Variants in CCSER1 observed in about 807,000 individuals in gnomAD.
CCSER1 encodes the protein serine-rich coiled-coil domain-containing protein 1.
Under a neutral mutation model 82.0 loss-of-function variants are expected in CCSER1, and 41 were observed. The ratio of observed to expected loss-of-function variants is 0.50; its 90% CI spans 0.39 to 0.65. The LOEUF (loss-of-function observed/expected upper bound fraction) is 0.65, where lower values mean the gene tolerates loss of function less well. Ranked by LOEUF, CCSER1 falls within the 30% of genes least tolerant of loss-of-function variation. The pLI, the probability that CCSER1 is intolerant of heterozygous loss-of-function variation, is 0.00. For missense variants in CCSER1, 1,119 were observed against 1,064.2 expected (o/e 1.05, Z -0.72); for synonymous variants, 414 against 383.9 (o/e 1.08, Z -0.92).
chr4:91,302,542 CAT>C (rs1744747968), intron 10 of CCSER1, among the ~76,000 whole-genome samples: 1 of 151,986 alleles, frequency 6.6e-6, no homozygotes, highest in East Asian at 1.9e-4. Flanking sequence ...ATTTTTAAAA[CAT>C]AAATCAGATC....
At chr4:91,003,389 GGT>G (rs1738216086) in intron 9 of CCSER1, among the ~76,000 whole-genome samples, 1 of 152,066 alleles carries the variant, frequency 6.6e-6, no homozygotes. Flanking sequence ...TCCTTGGGTG[GGT>G]CTTACTGAGG....
At chr4:90,608,840 A>G (rs989994613) in intron 5 of CCSER1, among the ~76,000 whole-genome samples, 1 of 152,024 alleles carries the variant, frequency 6.6e-6, no homozygotes, top group Admixed American at 6.6e-5. Flanking sequence ...AAATGTGGCC[A>G]TTCTATGTAG....
chr4:90,171,374 A>C (rs1385383927), intron 1 of CCSER1, among the ~76,000 whole-genome samples: 1 of 151,854 alleles, frequency 6.6e-6, no homozygotes, highest in African/African-American at 2.4e-5. Flanking sequence ...TGCCCACATG[A>C]AAACAGAATA....
At chr4:91,479,204 T>C (rs528271384) in intron 10 of CCSER1, among the ~76,000 whole-genome samples, 19 of 151,820 alleles carry the variant, frequency 1.3e-4, no homozygotes, top group African/African-American at 3.9e-4. Flanking sequence ...AATTAACTTT[T>C]ATTATGTTGA....
In CCSER1 at chr4:91,191,672, G is replaced by A. The variant is rs74482496; in HGVS notation, c.2217+105678G>A. Among the ~76,000 whole-genome samples the A allele has an allele frequency of 4.9e-3, 742 of 152,264 alleles. 6 individuals carry two copies. Among genetic ancestry groups the A allele is most frequent in the African/African-American group, 0.017 (699 of 41,562 alleles). ...TCCACAGTTTCAGGGAAATTCAGGG[G>A]CAGCTGTGACAATAGTAATAACAGT... On this transcript the variant is annotated intron_variant, in intron 10 of 10. Coordinates refer to ENST00000509176, the MANE Select transcript of CCSER1 (RefSeq NM_001145065.2).
At chr4:90,551,710 A>C (rs141355647) in intron 5 of CCSER1, among the ~76,000 whole-genome samples, 16,745 of 75,728 alleles carry the variant, frequency 0.22, 1,095 homozygotes, top group Non-Finnish European at 0.27. Context: ...CTCTCTCTAT[A>C]TATATATATA....
At chr4:91,194,601 G>A (rs910359757) in intron 10 of CCSER1, among the ~76,000 whole-genome samples, 1 of 152,108 alleles carries the variant, frequency 6.6e-6, no homozygotes. Flanking sequence ...TCACATAAAT[G>A]TGAAACAGAA....
intron 10 of CCSER1, among the ~76,000 whole-genome samples, chr4:91,197,770 C>G (rs1012664539): frequency 1.3e-5 from 2 of 152,146 alleles, no homozygotes; most frequent in South Asian, 4.1e-4. Context: ...CCTCACTATA[C>G]GTGCCCCCAT....
intron 10 of CCSER1, among the ~76,000 whole-genome samples, chr4:91,459,787 A>C (rs1216476332): frequency 6.6e-6 from 1 of 152,154 alleles, no homozygotes; most frequent in Admixed American, 6.5e-5. Context: ...TTCCTCCATC[A>C]GTATTTTTAA....
chr4:91,287,153 T>A (rs1225735158), intron 10 of CCSER1, among the ~76,000 whole-genome samples: 1 of 151,808 alleles, frequency 6.6e-6, no homozygotes, highest in Non-Finnish European at 1.5e-5. Context: ...TTTTTCCTAC[T>A]AAAGAGCAAT....
At chr4:90,450,720 A>AC (rs1007201655) in intron 4 of CCSER1, among the ~76,000 whole-genome samples, 2 of 151,978 alleles carry the variant, frequency 1.3e-5, no homozygotes, top group African/African-American at 4.8e-5. Flanking sequence ...GTAAGCCCTC[A>AC]CCCCCATTCT....
intron 10 of CCSER1, among the ~76,000 whole-genome samples, chr4:91,474,787 G>GTATATATATATATA (rs764572024): frequency 7.4e-6 from 1 of 135,184 alleles, no homozygotes; most frequent in African/African-American, 2.7e-5. Flanking sequence ...ATATATTTGT[G>GTATATATATATATA]TATATATATA....
intron 10 of CCSER1, among the ~76,000 whole-genome samples, chr4:91,144,478 TA>T (rs1239891852): frequency 6.6e-6 from 1 of 152,016 alleles, no homozygotes; most frequent in Non-Finnish European, 1.5e-5. Context: ...ATTTGGATTT[TA>T]GTTATTTATT....
chr4:90,706,219 C>A (rs958767071), intron 6 of CCSER1, among the ~76,000 whole-genome samples: 2 of 152,266 alleles, frequency 1.3e-5, no homozygotes, highest in African/African-American at 2.4e-5. Flanking sequence ...GTTGTAACAA[C>A]CCTAATGGAC....
chr4:90,138,946 C>T (rs1447139350), intron 1 of CCSER1, among the ~76,000 whole-genome samples: 3 of 152,238 alleles, frequency 2.0e-5, no homozygotes, highest in Non-Finnish European at 2.9e-5. Context: ...ACAAATGTTA[C>T]TAGGCCCTAT....
chr4:90,457,896 T>C (rs1423022848), intron 4 of CCSER1, among the ~76,000 whole-genome samples: 1 of 152,090 alleles, frequency 6.6e-6, no homozygotes, highest in Non-Finnish European at 1.5e-5. Context: ...TGCAGACCCA[T>C]GCCAACCTTC....
At chr4:90,221,851 C>T (rs532909112) in intron 1 of CCSER1, among the ~76,000 whole-genome samples, 7 of 152,114 alleles carry the variant, frequency 4.6e-5, no homozygotes, top group Non-Finnish European at 7.4e-5. Flanking sequence ...GTTTTGCCTA[C>T]ATTACATATC....
At chr4:91,523,214 G>A (rs1760587446) in intron 10 of CCSER1, among the ~76,000 whole-genome samples, 1 of 152,214 alleles carries the variant, frequency 6.6e-6, no homozygotes, top group South Asian at 2.1e-4. Context: ...TTGCATCCCA[G>A]AAATGAAGCT....
In CCSER1 at chr4:90,657,283, T is replaced by C. The variant is rs553894787; in HGVS notation, c.1932+29051T>C. On this transcript the variant is annotated intron_variant, in intron 6 of 10. Transcript: ENST00000509176. Reference sequence around the variant, plus strand: ...CAATGCTTTCATTTTCTGGCTTTATTCAAAAGAGATTTTGTTTTTTGGAAG... The same window carrying C: ...CAATGCTTTCATTTTCTGGCTTTATCCAAAAGAGATTTTGTTTTTTGGAAG... Among the ~76,000 whole-genome samples, 6 of 152,280 alleles carry C rather than the reference T, an allele frequency of 3.9e-5. No individual in the cohort carries two copies. In the South Asian group the frequency reaches 1.0e-3, roughly 26 times the overall value.
Sources: gnomAD v4.1 joint callset for allele counts (sites outside exome capture counted in the v4.1 genomes callset) on GRCh38, gnomAD v4.1.1 for gene constraint, MANE v1.5 for transcripts, NCBI Gene and HGNC (gene_info 2026-07-23, HGNC 2026-07-21) for gene names.